Variants in NCBP2L observed in about 807,000 individuals in gnomAD.
NCBP2L encodes the protein nuclear cap binding protein subunit 2 like, also known as nuclear cap-binding protein subunit 2-like.
For missense variants in NCBP2L, 95 were observed against 53.1 expected (o/e 1.79, Z -2.45); for synonymous variants, 39 against 19.2 (o/e 2.04, Z -2.70).
At chrX:107,782,264 T>TATATATATATAAATATATATAA (rs1930318395) in intron 1 of NCBP2L, among the ~76,000 whole-genome samples, 1 of 15,484 alleles carries the variant, frequency 6.5e-5, no homozygotes, top group Non-Finnish European at 8.3e-5. Flanking sequence ...TATATATAAA[T>TATATATATATAAATATATATAA]ATATATATAT....
In NCBP2L at chrX:107,794,364, T is replaced by C; in HGVS notation, c.144T>C (p.Phe48=). 1.8e-6 allele frequency: 1 copy of C among 570,305 alleles called. No individual in the cohort carries two copies. The highest frequency in any genetic ancestry group is 3.2e-6 in the Non-Finnish European group (1 of 309,485). 47.0% of individuals were successfully genotyped at this position (570,305 alleles called of 1,213,427 possible). ...SSTLNMGNLS[F]YTTEEKIHEL... is the part of the protein sequence containing the mutation. The stretch of plus-strand genomic sequence containing the variant: ...CATTGAATATGGGGAATCTTTCCTT[T>C]TATACAACCGAAGAGAAAATACATG... The change falls in exon 2 of 2, where the codon TTT becomes TTC. Residue 48 remains phenylalanine (F), a synonymous_variant. Transcript: ENST00000509000.
intron 1 of NCBP2L, among the ~76,000 whole-genome samples, chrX:107,780,023 C>A (rs901831214): frequency 3.6e-5 from 4 of 109,889 alleles, no homozygotes; most frequent in African/African-American, 1.3e-4. Context: ...GGATTACAGG[C>A]GTGAGCCACC....
chrX:107,792,417 G>C (rs1429913814), intron 1 of NCBP2L, among the ~76,000 whole-genome samples: 8 of 110,509 alleles, frequency 7.2e-5, no homozygotes, highest in African/African-American at 2.6e-4. Context: ...ATGACTTAAA[G>C]TAATGAGTTT....
At chrX:107,784,269 A>C (rs765848660) in intron 1 of NCBP2L, among the ~76,000 whole-genome samples, 1 of 111,404 alleles carries the variant, frequency 9.0e-6, no homozygotes, top group Admixed American at 9.6e-5. Context: ...AATGCATGAC[A>C]TGTTAAGTAC....
chrX:107,795,517 C>T lies in NCBP2L; in HGVS notation c.*835C>T, dbSNP rs1044082232. 7.1e-5 allele frequency: 8 copies of T among 112,013 alleles called. No individual in the cohort carries two copies. The highest frequency in any genetic ancestry group is 2.9e-4 in the Admixed American group (3 of 10,506). 9.2% of individuals were successfully genotyped at this position (112,013 alleles called of 1,213,427 possible). ...GCTTCAGGTACCCATACAACTATTT[C>T]GTTTTTGACTTTCAGTATAGTATTC... On this transcript the variant is annotated 3_prime_UTR_variant, in exon 2 of 2. Coordinates refer to ENST00000509000, the MANE Select transcript of NCBP2L (RefSeq NM_001348372.2).
In NCBP2L at chrX:107,781,692, C is replaced by CTCTCTCTCTCTA. The variant is rs1395038482; in HGVS notation, c.-73+3835_-73+3836insCTCTCTCTCTAT. Among the ~76,000 whole-genome samples, 479 of 66,851 alleles carry CTCTCTCTCTCTA rather than the reference C, an allele frequency of 7.2e-3. 9 individuals are homozygous for CTCTCTCTCTCTA. Among genetic ancestry groups the CTCTCTCTCTCTA allele is most frequent in the African/African-American group, 0.021 (248 of 11,707 alleles). The allele number at this position is 66,851 out of a possible 115,157, so 58.1% of individuals were successfully genotyped here. On this transcript the variant is annotated intron_variant, in intron 1 of 1. Transcript: ENST00000509000. ...TATCTATCTATCTCTCTCTCTCTCT[C>CTCTCTCTCTCTA]TATATATATATATATATAGATCTAT...
rs1273595792 is a variant in NCBP2L at position 107,781,680 on chromosome X, C to CTATCTA, written c.-73+3823_-73+3824insATCTAT. Among the ~76,000 whole-genome samples the CTATCTA allele has an allele frequency of 3.3e-3, 117 of 35,068 alleles. 2 individuals carry two copies. The highest frequency in any genetic ancestry group is 0.017 in the African/African-American group (70 of 4,174). The allele number at this position is 35,068 out of a possible 115,157, so 30.5% of individuals were successfully genotyped here. A position where few individuals can be genotyped will look rare whatever the true frequency, so the allele number is the denominator to read the frequency against. On this transcript the variant is annotated intron_variant, in intron 1 of 1. Coordinates refer to ENST00000509000, the MANE Select transcript of NCBP2L (RefSeq NM_001348372.2). Reference sequence around the variant, plus strand: ...TATCTATCTATCTATCTATCTATCTCTCTCTCTCTCTCTATATATATATAT... The same window carrying CTATCTA: ...TATCTATCTATCTATCTATCTATCTCTATCTATCTCTCTCTCTCTATATATATATAT...
chrX:107,785,799 G>A (rs775139773), intron 1 of NCBP2L, among the ~76,000 whole-genome samples: 1 of 110,870 alleles, frequency 9.0e-6, no homozygotes, highest in South Asian at 3.8e-4. Flanking sequence ...CCAGGGTGTG[G>A]GAGTGAAGAG....
intron 1 of NCBP2L, among the ~76,000 whole-genome samples, chrX:107,790,737 CAGGAGTG>C (rs1233128791): frequency 1.8e-5 from 2 of 111,647 alleles, no homozygotes; most frequent in Admixed American, 1.9e-4. Flanking sequence ...GGCTGGGGCA[CAGGAGTG>C]GGAAGAAGAC....
chrX:107,779,570 G>A lies in NCBP2L; in HGVS notation c.-73+1712G>A, dbSNP rs895218261. Among the ~76,000 whole-genome samples, 8 of 108,567 alleles carry A rather than the reference G, an allele frequency of 7.4e-5. No homozygotes were observed. In the South Asian group the frequency reaches 2.0e-3, roughly 27 times the overall value. The allele number at this position is 108,567 out of a possible 115,157, so 94.3% of individuals were successfully genotyped here. On this transcript the variant is annotated intron_variant, in intron 1 of 1. Coordinates refer to ENST00000509000, the MANE Select transcript of NCBP2L (RefSeq NM_001348372.2). The stretch of plus-strand genomic sequence containing the variant: ...CAGCCTCCCAAGTAGCTGGGATTAC[G>A]GGCATGTGCCACCACACAGGGCTAA...
chrX:107,781,676 A>C (rs12847416), intron 1 of NCBP2L, among the ~76,000 whole-genome samples: 4,708 of 55,054 alleles, frequency 0.086, 265 homozygotes, highest in Middle Eastern at 0.2. Context: ...CTATCTATCT[A>C]TCTCTCTCTC....
intron 1 of NCBP2L, among the ~76,000 whole-genome samples, chrX:107,789,924 G>C (rs1930430472): frequency 9.1e-6 from 1 of 110,493 alleles, no homozygotes; most frequent in Non-Finnish European, 1.9e-5. Context: ...CTGTGTCTGT[G>C]GTCCCAGACA....
Position 107,794,255 on chromosome X carries a change from C to T in NCBP2L, c.35C>T (p.Pro12Leu). The part of the protein sequence containing the change: ...SKDLKILCKD[P>L]ALELSCYRDH... ...GACCTGAAAATTCTATGTAAAGACC[C>T]TGCTTTGGAGCTGAGCTGCTACCGG... Residue 12 changes from proline (P) to leucine (L), a missense_variant, in exon 2 of 2, where the codon CCT (proline) becomes CTT (leucine). Coordinates refer to ENST00000509000, the MANE Select transcript of NCBP2L (RefSeq NM_001348372.2). 1.8e-6 allele frequency: 1 copy of T among 560,440 alleles called. No individual in the cohort carries two copies. Among genetic ancestry groups the T allele is most frequent in the Admixed American group, 2.3e-5 (1 of 43,518 alleles). The allele number at this position is 560,440 out of a possible 1,213,427, so 46.2% of individuals were successfully genotyped here. A position where few individuals can be genotyped will look rare whatever the true frequency, so the allele number is the denominator to read the frequency against.
At chrX:107,790,730 T>TG (rs917742137) in intron 1 of NCBP2L, among the ~76,000 whole-genome samples, 1 of 111,862 alleles carries the variant, frequency 8.9e-6, no homozygotes, top group Non-Finnish European at 1.9e-5. Flanking sequence ...ATTGGGTGGC[T>TG]GGGGCACAGG....
chrX:107,787,947 G>A (rs1418701130), intron 1 of NCBP2L, among the ~76,000 whole-genome samples: 5 of 112,322 alleles, frequency 4.5e-5, no homozygotes, highest in South Asian at 7.4e-4. Flanking sequence ...GCCCAGTGAA[G>A]TTTGTTTCCT....
chrX:107,788,183 C>T (rs1461936885), intron 1 of NCBP2L, among the ~76,000 whole-genome samples: 1 of 111,453 alleles, frequency 9.0e-6, no homozygotes, highest in Non-Finnish European at 1.9e-5. Context: ...GATCTGTGGT[C>T]CCTGGCAACT....
At chrX:107,787,069 G>T (rs912813142) in intron 1 of NCBP2L, among the ~76,000 whole-genome samples, 2 of 111,507 alleles carry the variant, frequency 1.8e-5, no homozygotes, top group Non-Finnish European at 3.8e-5. Flanking sequence ...TTCTCAAACT[G>T]TACTGTGCAC....
At chrX:107,785,950 G>A (rs1448228125) in intron 1 of NCBP2L, among the ~76,000 whole-genome samples, 2 of 108,740 alleles carry the variant, frequency 1.8e-5, no homozygotes, top group African/African-American at 3.4e-5. Context: ...CCAAGCTACC[G>A]ATTAGGGGCC....
intron 1 of NCBP2L, among the ~76,000 whole-genome samples, chrX:107,792,297 A>G (rs73525067): frequency 0.015 from 1,657 of 108,133 alleles, 37 homozygotes; most frequent in African/African-American, 0.054. Flanking sequence ...AATGAAATCC[A>G]CTATAGCTAT....
Sources: allele counts gnomAD v4.1 joint callset (sites outside exome capture counted in the v4.1 genomes callset), GRCh38; gene constraint gnomAD v4.1.1; transcripts MANE v1.5; gene names NCBI Gene and HGNC (gene_info 2026-07-23, HGNC 2026-07-21).